MTARC2: variants seen among roughly 807,000 people sequenced by gnomAD.
MTARC2 encodes the protein mitochondrial amidoxime reducing component 2.
MTARC2 carries 27 observed loss-of-function variants against 35.6 expected under a neutral mutation model. The observed-to-expected ratio is 0.76, with a 90% CI of 0.56 to 1.04. MTARC2 has a LOEUF of 1.04. MTARC2 is among the 50% of genes least tolerant of loss of function. MTARC2 has a pLI of 0.00. For missense variants in MTARC2, 412 were observed against 432.5 expected (o/e 0.95, Z 0.42); for synonymous variants, 158 against 167.1 (o/e 0.95, Z 0.42).
At chr1:220,777,793 T>C (rs6657944) in intron 4 of MTARC2, among the ~76,000 whole-genome samples, 52,359 of 151,978 alleles carry the variant, frequency 0.34, 10,678 homozygotes, top group East Asian at 0.74. Flanking sequence ...TCTACATACA[T>C]CCCCTCCCGT....
At chr1:220,757,644 C>T (rs1297925332) in intron 2 of MTARC2, among the ~76,000 whole-genome samples, 2 of 152,132 alleles carry the variant, frequency 1.3e-5, no homozygotes, top group Non-Finnish European at 2.9e-5. Flanking sequence ...CATGACCTTC[C>T]CTGGTGCCTG....
intron 4 of MTARC2, among the ~76,000 whole-genome samples, chr1:220,770,067 A>G (rs971483800): frequency 2.6e-5 from 4 of 151,952 alleles, no homozygotes; most frequent in South Asian, 4.2e-4. Context: ...AGATCGCGCC[A>G]CTACACTCCA....
chr1:220,772,722 G>A (rs1671778724), intron 4 of MTARC2, among the ~76,000 whole-genome samples: 1 of 151,960 alleles, frequency 6.6e-6, no homozygotes, highest in Admixed American at 6.6e-5. Flanking sequence ...GTGTGTGTTT[G>A]GGGGCAGTGG....
chr1:220,764,909 T>C (rs434188), intron 4 of MTARC2, among the ~76,000 whole-genome samples: 5,478 of 152,210 alleles, frequency 0.036, 310 homozygotes, highest in African/African-American at 0.12. Flanking sequence ...AATCATCCAT[T>C]ATAGGTCAGG....
chr1:220,784,654 TA>T lies in MTARC2; in HGVS notation c.*768del, dbSNP rs1243546101. On this transcript the variant is annotated 3_prime_UTR_variant, in exon 8 of 8. Transcript: ENST00000366913. The stretch of plus-strand genomic sequence containing the variant: ...GAATGCAAGGAAGACAGCATGAACA[TA>T]TTTTTTTCAGTGCAAATAATTTTTT... The T allele has an allele frequency of 1.3e-5, 2 of 152,214 alleles. No homozygotes were observed. The highest frequency in any genetic ancestry group is 4.8e-5 in the African/African-American group (2 of 41,448). The allele number at this position is 152,214 out of a possible 1,614,324, so 9.4% of individuals were successfully genotyped here. A position where few individuals can be genotyped will look rare whatever the true frequency, so the allele number is the denominator to read the frequency against.
intron 4 of MTARC2, among the ~76,000 whole-genome samples, chr1:220,772,017 A>G (rs1671757705): frequency 6.6e-6 from 1 of 152,236 alleles, no homozygotes; most frequent in Non-Finnish European, 1.5e-5. Context: ...TAGAAATAGT[A>G]TTAAATTCCA....
intron 1 of MTARC2, among the ~76,000 whole-genome samples, chr1:220,751,884 A>G (rs1450673231): frequency 1.3e-5 from 2 of 152,234 alleles, no homozygotes; most frequent in African/African-American, 4.8e-5. Context: ...GGCAGAATAG[A>G]ACTAGTTATT....
At chr1:220,748,843 C>G in intron 1 of MTARC2, 40 bp downstream of exon 1, 1 of 1,519,898 alleles carries the variant, frequency 6.6e-7, no homozygotes, top group Non-Finnish European at 8.8e-7. Flanking sequence ...CGGAGCCTGC[C>G]TGGGATGAGG....
At chr1:220,779,845 GA>G in intron 4 of MTARC2, 172 bp from the exon 5 acceptor site, 2 of 485,358 alleles carry the variant, frequency 4.1e-6, no homozygotes, top group Non-Finnish European at 7.1e-6. Flanking sequence ...AGGTGGACCT[GA>G]ACTTGCCAGC....
chr1:220,752,812 A>C (rs1194883733), intron 1 of MTARC2, among the ~76,000 whole-genome samples: 1 of 151,906 alleles, frequency 6.6e-6, no homozygotes, highest in African/African-American at 2.4e-5. Flanking sequence ...ACGCCGCTGT[A>C]CTCCAGAGCC....
In MTARC2 at chr1:220,762,919, C is replaced by T. The variant is rs753534521; in HGVS notation, c.619C>T (p.Pro207Ser). Reference protein sequence around the residue: ...TLDQNFQVAYPDYCPLLIMTD... With the variant: ...TLDQNFQVAYSDYCPLLIMTD... Reference sequence around the variant, plus strand: ...CTGTGTTCTTGGCAAGGTGGCCTACCCAGACTACTGCCCGCTCCTGATCAT... The same window carrying T: ...CTGTGTTCTTGGCAAGGTGGCCTACTCAGACTACTGCCCGCTCCTGATCAT... The change falls in exon 4 of 8, where the codon CCA (proline) becomes TCA (serine). Residue 207 changes from proline to serine, a missense_variant. Transcript: ENST00000366913. The T allele has an allele frequency of 3.7e-6, 6 of 1,614,018 alleles. No individual in the cohort carries two copies. The highest frequency in any genetic ancestry group is 5.1e-6 in the Non-Finnish European group (6 of 1,180,046).
intron 4 of MTARC2, among the ~76,000 whole-genome samples, chr1:220,765,151 T>C (rs747782889): frequency 1.6e-4 from 24 of 152,168 alleles, no homozygotes; most frequent in Admixed American, 1.3e-4. Context: ...GAAGCAATGC[T>C]GTTCACCCTA....
At chr1:220,771,921 T>TA (rs902676790) in intron 4 of MTARC2, among the ~76,000 whole-genome samples, 13 of 152,136 alleles carry the variant, frequency 8.5e-5, no homozygotes, top group East Asian at 1.9e-4. Flanking sequence ...AAAGTAAAAT[T>TA]AAAAAAAATT....
At chr1:220,769,388 T>C (rs1671672644) in intron 4 of MTARC2, among the ~76,000 whole-genome samples, 1 of 152,178 alleles carries the variant, frequency 6.6e-6, no homozygotes, top group Admixed American at 6.5e-5. Context: ...GAGATCTGCC[T>C]GGGCCGGTGG....
chr1:220,780,453 CT>C (rs11364112), intron 6 of MTARC2, among the ~76,000 whole-genome samples: 39,720 of 133,536 alleles, frequency 0.3, 5,721 homozygotes, highest in East Asian at 0.64. Flanking sequence ...TTTGGATAAA[CT>C]TTTTTTTTTT....
chr1:220,755,406 G>A (rs1671250343), intron 2 of MTARC2, among the ~76,000 whole-genome samples: 1 of 152,184 alleles, frequency 6.6e-6, no homozygotes. Context: ...TCTAGAAACT[G>A]GAGGCACGCT....
At chr1:220,753,191 G>GCACT (rs1421423209) in intron 1 of MTARC2, among the ~76,000 whole-genome samples, 1 of 151,728 alleles carries the variant, frequency 6.6e-6, no homozygotes, top group Non-Finnish European at 1.5e-5. Flanking sequence ...TCGTGCCACT[G>GCACT]CACTCCAGCC....
At chr1:220,774,760 A>G (rs147615501) in intron 4 of MTARC2, among the ~76,000 whole-genome samples, 3,605 of 152,258 alleles carry the variant, frequency 0.024, 109 homozygotes, top group African/African-American at 0.064. Context: ...CAGCGGTCTT[A>G]TACTTCTGTG....
intron 4 of MTARC2, among the ~76,000 whole-genome samples, chr1:220,773,964 AACACAC>A (rs3056885): frequency 0.024 from 3,587 of 148,510 alleles, 106 homozygotes; most frequent in African/African-American, 0.064. Context: ...ATTATATATA[AACACAC>A]ACACACACAC....
Sources: allele counts gnomAD v4.1 joint callset (sites outside exome capture counted in the v4.1 genomes callset), GRCh38; gene constraint gnomAD v4.1.1; transcripts MANE v1.5; gene names NCBI Gene and HGNC (gene_info 2026-07-23, HGNC 2026-07-21).